Variants in ALDH1A1 observed in about 807,000 individuals in gnomAD.
ALDH1A1 encodes the protein aldehyde dehydrogenase 1A1.
In ALDH1A1, 19 loss-of-function variants were observed where a neutral mutation model predicts 62.1. That is an observed-to-expected ratio of 0.31 (90% CI 0.21 to 0.45). ALDH1A1 has a LOEUF of 0.45. Among genes scored for constraint, ALDH1A1 ranks in the 20% least tolerant of loss-of-function variants. The probability of loss-of-function intolerance (pLI) is 1.00; values close to 1 mark genes in which losing one functional copy is unlikely to be tolerated. For synonymous variants in ALDH1A1, 231 were observed against 215.9 expected (o/e 1.07, Z -0.61); for missense variants, 521 against 607.1 (o/e 0.86, Z 1.49).
rs1420401998 is a variant in ALDH1A1, at chr9:72,911,996, A to C, written c.1162T>G (p.Ser388Ala). 1 of 1,614,006 alleles carries C rather than the reference A, an allele frequency of 6.2e-7. No individual in the cohort carries two copies. Among genetic ancestry groups the C allele is most frequent in the East Asian group, 2.2e-5 (1 of 44,870 alleles). The change falls in exon 10 of 13, where the codon TCT (serine) becomes GCT (alanine). Residue 388 changes from serine (S) to alanine (A), a missense_variant. Physicochemically the swap from Ser to Ala is moderately conservative, Grantham distance 99. Coordinates refer to ENST00000297785, the MANE Select transcript of ALDH1A1 (RefSeq NM_000689.5). ...KGYFVQPTVF[S>A]NVTDEMRIAK... ...ATGCGCATCTCATCTGTAACATTAG[A>C]GAACACTGTGGGCTGGACAAAGTAG...
chr9:72,944,635 A>C (rs1830455023), intron 1 of ALDH1A1, among the ~76,000 whole-genome samples: 1 of 152,090 alleles, frequency 6.6e-6, no homozygotes, highest in Non-Finnish European at 1.5e-5. Context: ...TAATTATAAA[A>C]TTTACATTAG....
chr9:72,949,376 G>A (rs939571751), intron 1 of ALDH1A1, among the ~76,000 whole-genome samples: 1 of 151,854 alleles, frequency 6.6e-6, no homozygotes, highest in South Asian at 2.1e-4. Context: ...ATTCTGGCAA[G>A]TCAGTGTCCC....
At chr9:72,925,696 T>A in intron 5 of ALDH1A1, 84 bp from the exon 6 acceptor site, 1 of 1,431,448 alleles carries the variant, frequency 7.0e-7, no homozygotes, top group Admixed American at 2.2e-5. Flanking sequence ...ACACCCCCTG[T>A]AGATGTTATG....
chr9:72,947,116 C>T (rs949215917), intron 1 of ALDH1A1, among the ~76,000 whole-genome samples: 3 of 151,856 alleles, frequency 2.0e-5, no homozygotes, highest in Non-Finnish European at 2.9e-5. Flanking sequence ...CAGGCAGGTG[C>T]CAGAAAACAA....
At chr9:72,927,947 A>G (rs182149203) in intron 4 of ALDH1A1, among the ~76,000 whole-genome samples, 2 of 151,574 alleles carry the variant, frequency 1.3e-5, no homozygotes, top group Non-Finnish European at 2.9e-5. Context: ...ATTCTGTTCT[A>G]GTTCCCACAG....
rs1484094352 is a variant in ALDH1A1, at chr9:72,901,279, C to G, written c.1435G>C (p.Gly479Arg). Residue 479 changes from glycine to arginine, a missense_variant and splice_region_variant, in exon 13 of 13, where the codon GGA (glycine) becomes CGA (arginine). Physicochemically the swap from Gly to Arg is moderately radical, Grantham distance 125 (BLOSUM62 -2). Transcript: ENST00000297785. ...FKMSGNGREL[G>R]EYGFHEYTEV... ...GTATATTCATGGAAACCGTACTCTCCCCTAGAGAGAAGAAAAACATACCCA... is the reference window on the plus strand; with the variant it reads ...GTATATTCATGGAAACCGTACTCTCGCCTAGAGAGAAGAAAAACATACCCA... 1.2e-6 allele frequency: 2 copies of G among 1,604,870 alleles called. No individual in the cohort carries two copies. The highest frequency in any genetic ancestry group is 1.7e-6 in the Non-Finnish European group (2 of 1,174,758).
chr9:72,929,100 CATGTGCT>C, intron 3 of ALDH1A1, 79 bp from the exon 4 acceptor site: 1 of 1,465,548 alleles, frequency 6.8e-7, no homozygotes, highest in East Asian at 2.5e-5. Context: ...TTTCAGCAAT[CATGTGCT>C]AGGGAATTTT....
chr9:72,936,166 A>G (rs991282944), intron 2 of ALDH1A1, among the ~76,000 whole-genome samples: 3 of 152,204 alleles, frequency 2.0e-5, no homozygotes, highest in African/African-American at 7.2e-5. Context: ...AATTGTCAAG[A>G]AGCACAGAGC....
rs1215948509 is a variant in ALDH1A1 at position 72,909,591 on chromosome 9, G to T, written c.1358+11C>A. 6.2e-7 allele frequency: 1 copy of T among 1,603,902 alleles called. No homozygotes were observed. Among genetic ancestry groups the T allele is most frequent in the South Asian group, 1.1e-5 (1 of 88,824 alleles). ...TTACTGAAAAGGCTACATTCCTTAGGTTGGACTTACCACACTGTTCCTGCC... is the reference window on the plus strand; with the variant it reads ...TTACTGAAAAGGCTACATTCCTTAGTTTGGACTTACCACACTGTTCCTGCC... On this transcript the variant is annotated intron_variant, in intron 11 of 12. Transcript: ENST00000297785.
At chr9:72,926,269 A>T (rs368357205) in intron 5 of ALDH1A1, among the ~76,000 whole-genome samples, 1 of 152,248 alleles carries the variant, frequency 6.6e-6, no homozygotes, top group Non-Finnish European at 1.5e-5. Flanking sequence ...CAAGTAGTAC[A>T]TATCAGCTAT....
At chr9:72,950,647 T>A (rs1002633596) in intron 1 of ALDH1A1, among the ~76,000 whole-genome samples, 1 of 149,272 alleles carries the variant, frequency 6.7e-6, no homozygotes, top group Non-Finnish European at 1.5e-5. Flanking sequence ...GTTGTAATAT[T>A]TTTTTTTTTA....
chr9:72,946,152 A>G (rs368879642), intron 1 of ALDH1A1, among the ~76,000 whole-genome samples: 2 of 152,048 alleles, frequency 1.3e-5, no homozygotes, highest in Admixed American at 1.3e-4. Flanking sequence ...TGTAGAAGCG[A>G]TAGAAAGTTC....
chr9:72,903,794 C>A (rs1350605020), intron 12 of ALDH1A1, among the ~76,000 whole-genome samples: 14 of 152,002 alleles, frequency 9.2e-5, no homozygotes, highest in Admixed American at 8.5e-4. Flanking sequence ...CATGTTTGGT[C>A]TACTTTAGTC....
intron 1 of ALDH1A1, among the ~76,000 whole-genome samples, chr9:72,947,572 A>G (rs1176760017): frequency 6.6e-6 from 1 of 151,952 alleles, no homozygotes; most frequent in Non-Finnish European, 1.5e-5. Flanking sequence ...AAAGGGGGAT[A>G]ATACCCTCTT....
Position 72,901,181 on chromosome 9 carries a change from G to T in ALDH1A1, c.*27C>A. 1 of 1,532,064 alleles carries T rather than the reference G, an allele frequency of 6.5e-7. No homozygotes were observed. The highest frequency in any genetic ancestry group is 1.1e-5 in the South Asian group (1 of 89,184). 94.9% of individuals were successfully genotyped at this position (1,532,064 alleles called of 1,614,324 possible). ...TGTAAGGAGATGCTTAGCTATTGAAGAGCTTCTCTCCACTCTTGTATTTTC... is the reference window on the plus strand; with the variant it reads ...TGTAAGGAGATGCTTAGCTATTGAATAGCTTCTCTCCACTCTTGTATTTTC... On this transcript the variant is annotated 3_prime_UTR_variant, in exon 13 of 13. Transcript: ENST00000297785.
chr9:72,922,996 A>T (rs1830161825), intron 7 of ALDH1A1, among the ~76,000 whole-genome samples: 1 of 152,168 alleles, frequency 6.6e-6, no homozygotes, highest in Non-Finnish European at 1.5e-5. Flanking sequence ...TTGCTATGTA[A>T]ATTTGCCTTT....
At chr9:72,908,743 G>C (rs1020306305) in intron 11 of ALDH1A1, among the ~76,000 whole-genome samples, 1 of 152,086 alleles carries the variant, frequency 6.6e-6, no homozygotes, top group African/African-American at 2.4e-5. Flanking sequence ...AGTGACCAAA[G>C]ACATAGTCTA....
At chr9:72,921,908 G>A (rs922921505) in intron 7 of ALDH1A1, among the ~76,000 whole-genome samples, 1 of 152,006 alleles carries the variant, frequency 6.6e-6, no homozygotes, top group African/African-American at 2.4e-5. Flanking sequence ...CTGCTCCTGG[G>A]ACTGTAGAGG....
At chr9:72,922,675 A>T (rs1588136916) in intron 7 of ALDH1A1, among the ~76,000 whole-genome samples, 1 of 152,374 alleles carries the variant, frequency 6.6e-6, no homozygotes, top group South Asian at 2.1e-4. Context: ...CTCAACAGGC[A>T]CATGGATTCC....
Sources: allele counts gnomAD v4.1 joint callset (sites outside exome capture counted in the v4.1 genomes callset), GRCh38; gene constraint gnomAD v4.1.1; transcripts MANE v1.5; gene names NCBI Gene and HGNC (gene_info 2026-07-23, HGNC 2026-07-21).